The following TSPAN9 variants were observed in gnomAD, a reference collection of about 807,000 sequenced individuals.
The protein encoded by TSPAN9 is tetraspanin-9.
In TSPAN9, 16 loss-of-function variants were observed where a neutral mutation model predicts 31.0. The ratio of observed to expected loss-of-function variants is 0.52; its 90% CI spans 0.35 to 0.78. The LOEUF is 0.78. Among genes scored for constraint, TSPAN9 ranks in the 30% least tolerant of loss-of-function variants. The pLI is 0.01. For missense variants in TSPAN9, 272 were observed against 312.5 expected (o/e 0.87, Z 0.98); for synonymous variants, 145 against 121.6 (o/e 1.19, Z -1.27).
chr12:3,141,838 T>C (rs1389611047), intron 2 of TSPAN9, among the ~76,000 whole-genome samples: 1 of 152,206 alleles, frequency 6.6e-6, no homozygotes, highest in Non-Finnish European at 1.5e-5. Flanking sequence ...TTTTCCCCTT[T>C]GCAGGAATAG....
chr12:3,260,193 A>C (rs1237208317), intron 3 of TSPAN9, among the ~76,000 whole-genome samples: 2 of 152,258 alleles, frequency 1.3e-5, no homozygotes, highest in Non-Finnish European at 2.9e-5. Context: ...GCATTTTACC[A>C]TCCTGTGCGG....
rs77377926 is a variant in TSPAN9 at position 3,139,996 on chromosome 12, C to T, written c.-18+56277C>T. 4.8e-3 allele frequency among the ~76,000 whole-genome samples: 729 copies of T among 152,334 alleles called. 2 individuals carry two copies. Among genetic ancestry groups the T allele is most frequent in the South Asian group, 0.01 (49 of 4,832 alleles). On this transcript the variant is annotated intron_variant, in intron 2 of 8. Transcript: ENST00000011898. ...GGTCCCTGGGCAGATCCACTCTCCC[C>T]GCTGCAGAATTTGCTTTGCACTATC... is the stretch of plus-strand genomic sequence containing the variant.
At chr12:3,176,216 C>T (rs891451899) in intron 2 of TSPAN9, among the ~76,000 whole-genome samples, 9 of 152,282 alleles carry the variant, frequency 5.9e-5, no homozygotes, top group South Asian at 4.1e-4. Context: ...GTCTCAGCAT[C>T]GAGCCTTACG....
In TSPAN9 at chr12:3,126,131, C is replaced by G. The variant is rs558049449; in HGVS notation, c.-18+42412C>G. Among the ~76,000 whole-genome samples the G allele has an allele frequency of 5.9e-5, 9 of 152,320 alleles. No individual in the cohort carries two copies. In the South Asian group the frequency reaches 1.9e-3, roughly 32 times the overall value. On this transcript the variant is annotated intron_variant, in intron 2 of 8. Coordinates refer to ENST00000011898, the MANE Select transcript of TSPAN9 (RefSeq NM_006675.5). ...CTTCTCTTAACCTTTTGCAGCTTCACTTTCCTCCTCTGTCAAATGCATAAG... is the reference window on the plus strand; with the variant it reads ...CTTCTCTTAACCTTTTGCAGCTTCAGTTTCCTCCTCTGTCAAATGCATAAG...
intron 3 of TSPAN9, among the ~76,000 whole-genome samples, chr12:3,274,075 T>C (rs576772665): frequency 3.3e-5 from 5 of 152,078 alleles, no homozygotes; most frequent in South Asian, 2.1e-4. Context: ...CTATTGACAA[T>C]TGGGGCCAGA....
chr12:3,129,831 C>T (rs1421381913), intron 2 of TSPAN9, among the ~76,000 whole-genome samples: 3 of 152,172 alleles, frequency 2.0e-5, no homozygotes, highest in Admixed American at 6.5e-5. Flanking sequence ...TGTGGAGTGG[C>T]GTCCCTGGGG....
At position 3,281,334 on chromosome 12, in the gene TSPAN9, G is replaced by A. The variant is rs1469859157; in HGVS notation, c.564+5G>A. ...ACCACGCCTTTGTGGAGAACGGTGA[G>A]GCTGGGGATGGACCGCTTGGGTCCA... is the stretch of plus-strand genomic sequence containing the variant. On this transcript the variant is annotated splice_donor_5th_base_variant and intron_variant, in intron 7 of 8. Coordinates refer to ENST00000011898, the MANE Select transcript of TSPAN9 (RefSeq NM_006675.5). The A allele has an allele frequency of 3.2e-6, 5 of 1,548,084 alleles. No individual in the cohort carries two copies. Among genetic ancestry groups the A allele is most frequent in the Non-Finnish European group, 4.4e-6 (5 of 1,145,216 alleles).
intron 3 of TSPAN9, among the ~76,000 whole-genome samples, chr12:3,224,891 G>A (rs971926699): frequency 6.6e-6 from 1 of 152,150 alleles, no homozygotes; most frequent in Admixed American, 6.5e-5. Flanking sequence ...GCTGCTGCAG[G>A]GAACAGAGCT....
chr12:3,226,714 ATGTATGTGTGTGTG>A (rs2098387471), intron 3 of TSPAN9, among the ~76,000 whole-genome samples: 1 of 4,492 alleles, frequency 2.2e-4, no homozygotes, highest in African/African-American at 6.1e-4. Flanking sequence ...GTGTATGTGT[ATGTATGTGTGTGTG>A]TGTGTGTGTG....
At chr12:3,078,051 T>C (rs1449927346) in intron 1 of TSPAN9, among the ~76,000 whole-genome samples, 3 of 152,212 alleles carry the variant, frequency 2.0e-5, no homozygotes, top group Admixed American at 1.3e-4. Flanking sequence ...AACCGGCTTG[T>C]TGTTGTAAGA....
At chr12:3,162,920 C>G (rs1373897282) in intron 2 of TSPAN9, among the ~76,000 whole-genome samples, 3 of 152,188 alleles carry the variant, frequency 2.0e-5, no homozygotes, top group Admixed American at 2.0e-4. Context: ...AAGGTAGGGG[C>G]AGCAGAACGT....
chr12:3,112,397 A>G (rs1157698375), intron 2 of TSPAN9, among the ~76,000 whole-genome samples: 3 of 151,750 alleles, frequency 2.0e-5, no homozygotes, highest in Non-Finnish European at 4.4e-5. Context: ...GCTGGTCGCA[A>G]ACTCCCAACC....
At chr12:3,093,018 A>T (rs781129478) in intron 2 of TSPAN9, among the ~76,000 whole-genome samples, 7 of 152,196 alleles carry the variant, frequency 4.6e-5, no homozygotes, top group Non-Finnish European at 7.3e-5. Context: ...TCACGTTCTG[A>T]TGTTCAGATT....
At chr12:3,142,785 A>G (rs1748216367) in intron 2 of TSPAN9, among the ~76,000 whole-genome samples, 1 of 152,312 alleles carries the variant, frequency 6.6e-6, no homozygotes, top group African/African-American at 2.4e-5. Flanking sequence ...CTACATAATC[A>G]TAGGACAACT....
chr12:3,281,686 A>G (rs1307872500), intron 7 of TSPAN9, 48 bp from the exon 8 acceptor site: 1 of 1,581,766 alleles, frequency 6.3e-7, no homozygotes, highest in Non-Finnish European at 8.6e-7. Flanking sequence ...GGCTGCAGGG[A>G]GCGCATGCTT....
At chr12:3,094,385 A>C (rs2098306678) in intron 2 of TSPAN9, among the ~76,000 whole-genome samples, 1 of 152,170 alleles carries the variant, frequency 6.6e-6, no homozygotes, top group Non-Finnish European at 1.5e-5. Context: ...AGAAGACTCC[A>C]GGGACCTCCC....
intron 3 of TSPAN9, chr12:3,211,653 CAG>C (rs1039582423): frequency 1.4e-6 from 2 of 1,380,962 alleles, no homozygotes; most frequent in African/African-American, 2.9e-5. Flanking sequence ...CATCTTGACT[CAG>C]AGTGCTTTTA....
chr12:3,211,546 T>G (rs2098378709), intron 3 of TSPAN9: 1 of 851,218 alleles, frequency 1.2e-6, no homozygotes, highest in South Asian at 1.7e-5. Flanking sequence ...GATATTTTGG[T>G]TGACCTTTCA....
At chr12:3,218,931 T>C (rs532356343) in intron 3 of TSPAN9, among the ~76,000 whole-genome samples, 122 of 151,592 alleles carry the variant, frequency 8.0e-4, no homozygotes, top group African/African-American at 2.6e-3. Context: ...AGGTCAGAGG[T>C]CGCAGAAAAC....
Sources: allele counts gnomAD v4.1 joint callset (sites outside exome capture counted in the v4.1 genomes callset), GRCh38; gene constraint gnomAD v4.1.1; transcripts MANE v1.5; gene names NCBI Gene and HGNC (gene_info 2026-07-23, HGNC 2026-07-21).